The following KCNH8 variants were observed in gnomAD, a reference collection of about 807,000 sequenced individuals.
KCNH8 encodes the protein voltage-gated delayed rectifier potassium channel KCNH8.
In KCNH8, 70 loss-of-function variants were observed where a neutral mutation model predicts 103.6. The observed-to-expected ratio is 0.68, with a 90% CI of 0.56 to 0.82. KCNH8 has a LOEUF of 0.82. KCNH8 is among the 40% of genes least tolerant of loss of function. The probability of loss-of-function intolerance (pLI) is 0.00; values close to 1 mark genes in which losing one functional copy is unlikely to be tolerated. For missense variants in KCNH8, 1,217 were observed against 1,329.9 expected, an observed-to-expected ratio of 0.92 and a Z score of 1.32; for synonymous variants, 498 against 489.4, an observed-to-expected ratio of 1.02 and a Z score of -0.23.
intron 5 of KCNH8, among the ~76,000 whole-genome samples, chr3:19,359,194 A>C (rs2065917488): frequency 6.6e-6 from 1 of 151,934 alleles, no homozygotes; most frequent in African/African-American, 2.4e-5. Context: ...CTGTTATGTA[A>C]ATACTAACCA....
rs763288027 is a variant in KCNH8, at chr3:19,445,891, A to C, written c.1376-4215A>C. On this transcript the variant is annotated intron_variant, in intron 8 of 15. Transcript: ENST00000328405. ...CTTAAATTATGCCAAGAGCTGTGCT[A>C]GATGCAGGGAAAACAAAGATGACTA... 1.2e-3 allele frequency among the ~76,000 whole-genome samples: 176 copies of C among 152,124 alleles called. 1 individual carries two copies. The highest frequency in any genetic ancestry group is 3.4e-3 in the Middle Eastern group (1 of 294).
intron 1 of KCNH8, among the ~76,000 whole-genome samples, chr3:19,165,793 C>T (rs377287211): frequency 3.9e-5 from 6 of 152,074 alleles, no homozygotes; most frequent in African/African-American, 1.4e-4. Context: ...AGCTGGGTTG[C>T]TCTGGGATCT....
intron 11 of KCNH8, among the ~76,000 whole-genome samples, chr3:19,498,268 G>A (rs533321026): frequency 4.6e-5 from 7 of 152,256 alleles, no homozygotes; most frequent in African/African-American, 1.7e-4. Context: ...GTGTGGATTT[G>A]ATCCTTTTAT....
chr3:19,210,901 C>T (rs1314588855), intron 1 of KCNH8, among the ~76,000 whole-genome samples: 2 of 152,130 alleles, frequency 1.3e-5, no homozygotes, highest in African/African-American at 4.8e-5. Context: ...TGACAGCTTC[C>T]TTCTTCACAT....
chr3:19,219,054 T>C (rs1422515365), intron 1 of KCNH8, among the ~76,000 whole-genome samples: 2 of 152,198 alleles, frequency 1.3e-5, no homozygotes, highest in Non-Finnish European at 2.9e-5. Context: ...ACACCTACTA[T>C]GCTTCTTCCT....
At chr3:19,200,458 C>G (rs2063646446) in intron 1 of KCNH8, among the ~76,000 whole-genome samples, 1 of 151,254 alleles carries the variant, frequency 6.6e-6, no homozygotes, top group Non-Finnish European at 1.5e-5. Context: ...GAATATTATG[C>G]CACCCAACCA....
intron 2 of KCNH8, among the ~76,000 whole-genome samples, chr3:19,274,447 A>C (rs1023894798): frequency 4.6e-5 from 7 of 152,160 alleles, no homozygotes; most frequent in African/African-American, 1.7e-4. Flanking sequence ...CTATAAAACT[A>C]TCGCTGCTGA....
In KCNH8 at chr3:19,248,269, G is replaced by A. The variant is rs117525362; in HGVS notation, c.77-5385G>A. Among the ~76,000 whole-genome samples, 511 of 152,220 alleles carry A rather than the reference G, an allele frequency of 3.4e-3. 8 individuals carry two copies. Among genetic ancestry groups the A allele is most frequent in the Admixed American group, 8.6e-3 (132 of 15,296 alleles). ...GTATTGCAAAATACATTAAAAGCACGTGAGATTAGAGACCAGATTATTTGA... is the reference window on the plus strand; with the variant it reads ...GTATTGCAAAATACATTAAAAGCACATGAGATTAGAGACCAGATTATTTGA... On this transcript the variant is annotated intron_variant, in intron 1 of 15. Transcript: ENST00000328405.
chr3:19,354,642 A>G (rs994997853), intron 5 of KCNH8, among the ~76,000 whole-genome samples: 1 of 152,220 alleles, frequency 6.6e-6, no homozygotes, highest in African/African-American at 2.4e-5. Flanking sequence ...AGGATTCCCT[A>G]TTTAATAAAT....
intron 1 of KCNH8, among the ~76,000 whole-genome samples, chr3:19,181,355 T>A (rs1215149967): frequency 1.3e-5 from 2 of 152,014 alleles, no homozygotes; most frequent in Admixed American, 1.3e-4. Context: ...TTAAAGAAAG[T>A]AGCAGAAAGA....
intron 2 of KCNH8, among the ~76,000 whole-genome samples, chr3:19,276,392 A>T (rs554201082): frequency 1.4e-4 from 21 of 152,250 alleles, no homozygotes; most frequent in African/African-American, 4.6e-4. Flanking sequence ...CCCTTGGGAT[A>T]TTATGTTATT....
chr3:19,350,327 T>A (rs1245846246), intron 5 of KCNH8, among the ~76,000 whole-genome samples: 1 of 152,018 alleles, frequency 6.6e-6, no homozygotes, highest in African/African-American at 2.4e-5. Context: ...TTAATATTTA[T>A]TAAATTACTG....
chr3:19,500,646 T>A (rs541318707), intron 11 of KCNH8, among the ~76,000 whole-genome samples: 30 of 152,258 alleles, frequency 2.0e-4, no homozygotes, highest in East Asian at 1.2e-3. Context: ...ACCGCTCAAC[T>A]ACATGGAACT....
At chr3:19,316,154 A>G (rs1268749791) in intron 3 of KCNH8, among the ~76,000 whole-genome samples, 55 of 151,992 alleles carry the variant, frequency 3.6e-4, no homozygotes, top group Admixed American at 3.6e-3. Context: ...AAGTTCGTGT[A>G]AAATTGGTAT....
At chr3:19,266,788 T>C (rs913131403) in intron 2 of KCNH8, among the ~76,000 whole-genome samples, 2 of 152,116 alleles carry the variant, frequency 1.3e-5, no homozygotes, top group African/African-American at 4.8e-5. Context: ...TCATTTTGCT[T>C]TTCTATTTCA....
At chr3:19,343,663 G>A (rs569345103) in intron 4 of KCNH8, among the ~76,000 whole-genome samples, 1 of 152,204 alleles carries the variant, frequency 6.6e-6, no homozygotes, top group African/African-American at 2.4e-5. Flanking sequence ...AGTTCTGGGA[G>A]TTAAGGACAG....
rs996398379 is a variant in KCNH8 at position 19,483,270 on chromosome 3, G to A, written c.2040+26288G>A. ...GGTGGGACTCCAGGTAGGTCCACAC[G>A]GTTTGCAACTTTGGGAATTTACTAA... On this transcript the variant is annotated intron_variant, in intron 11 of 15. Coordinates refer to ENST00000328405, the MANE Select transcript of KCNH8 (RefSeq NM_144633.3). 2.6e-5 allele frequency among the ~76,000 whole-genome samples: 4 copies of A among 152,058 alleles called. No homozygotes were observed. The East Asian group carries it at 5.8e-4, about 22-fold the overall frequency.
At chr3:19,357,896 A>G (rs1236896580) in intron 5 of KCNH8, among the ~76,000 whole-genome samples, 1 of 151,900 alleles carries the variant, frequency 6.6e-6, no homozygotes. Context: ...AGGAATATAT[A>G]TATATAAATC....
chr3:19,313,038 G>A (rs200711629), intron 3 of KCNH8, among the ~76,000 whole-genome samples: 2 of 151,726 alleles, frequency 1.3e-5, no homozygotes, highest in East Asian at 1.9e-4. Context: ...GGCTTTCACG[G>A]GATGTCTTGG....
Sources: allele counts gnomAD v4.1 joint callset (sites outside exome capture counted in the v4.1 genomes callset), GRCh38; gene constraint gnomAD v4.1.1; transcripts MANE v1.5; gene names NCBI Gene and HGNC (gene_info 2026-07-23, HGNC 2026-07-21).